The following ERBB4 variants were observed in gnomAD, a reference collection of about 807,000 sequenced individuals.
ERBB4 encodes the protein erb-b2 receptor tyrosine kinase 4.
In ERBB4, 42 loss-of-function variants were observed where a neutral mutation model predicts 158.0. The ratio of observed to expected loss-of-function variants is 0.27; its 90% confidence interval spans 0.21 to 0.34. The LOEUF is 0.34. Among genes scored for constraint, ERBB4 ranks in the 10% least tolerant of loss-of-function variants. The pLI is 1.00. For missense variants in ERBB4, 1,333 were observed against 1,624.1 expected, an observed-to-expected ratio of 0.82 and a Z score of 3.08; for synonymous variants, 583 against 558.7, an observed-to-expected ratio of 1.04 and a Z score of -0.61.
intron 2 of ERBB4, among the ~76,000 whole-genome samples, chr2:212,065,211 C>A (rs1009606892): frequency 6.6e-6 from 1 of 151,950 alleles, no homozygotes; most frequent in Non-Finnish European, 1.5e-5. Context: ...TAGACAACCC[C>A]TTCCTGGAAG....
Position 212,306,114 on chromosome 2 carries a change from A to C in ERBB4, c.83-181211T>G, listed in dbSNP as rs184675696. 7.3e-5 allele frequency among the ~76,000 whole-genome samples: 11 copies of C among 151,606 alleles called. No individual in the cohort carries two copies. The East Asian group carries it at 2.2e-3, about 30-fold the overall frequency. ...ATTCCCAGTTGAATGCTTTAAAAAT[A>C]TAATAAGATTCCTTTTTATGTGCAA... is the stretch of plus-strand genomic sequence containing the variant. On this transcript the variant is annotated intron_variant, in intron 1 of 27. Coordinates refer to ENST00000342788, the MANE Select transcript of ERBB4 (RefSeq NM_005235.3).
chr2:211,808,481 G>C (rs568311819), intron 3 of ERBB4, among the ~76,000 whole-genome samples: 1 of 151,928 alleles, frequency 6.6e-6, no homozygotes, highest in African/African-American at 2.4e-5. Context: ...TGTTCCATTG[G>C]TCTATATCTC....
At chr2:212,093,687 T>C (rs1334934523) in intron 2 of ERBB4, among the ~76,000 whole-genome samples, 2 of 152,236 alleles carry the variant, frequency 1.3e-5, no homozygotes, top group Non-Finnish European at 1.5e-5. Flanking sequence ...AATTGATAGT[T>C]CTCACCTTGT....
chr2:211,973,009 C>A lies in ERBB4; in HGVS notation c.235-25393G>T, dbSNP rs2081498317. On this transcript the variant is annotated intron_variant, in intron 2 of 27. Coordinates refer to ENST00000342788, the MANE Select transcript of ERBB4 (RefSeq NM_005235.3). ...ACCTAAAAAATGGGAGAAAATTTTG[C>A]AAACTCTATATCTGACAAAGGTCTA... 2.7e-5 allele frequency among the ~76,000 whole-genome samples: 4 copies of A among 148,148 alleles called. No individual in the cohort carries two copies. The Admixed American group carries it at 2.7e-4, about 10-fold the overall frequency.
chr2:211,570,325 CTT>C (rs769458178), intron 19 of ERBB4, among the ~76,000 whole-genome samples: 1 of 105,222 alleles, frequency 9.5e-6, no homozygotes, highest in African/African-American at 3.9e-5. Flanking sequence ...CTAATTTTTG[CTT>C]TTTTTTTTTT....
At chr2:212,410,118 T>G (rs577706573) in intron 1 of ERBB4, among the ~76,000 whole-genome samples, 5 of 152,148 alleles carry the variant, frequency 3.3e-5, no homozygotes, top group African/African-American at 1.2e-4. Flanking sequence ...AAGATAGAAG[T>G]GACACATTTT....
At chr2:211,946,574 CTCT>C (rs2080699424) in intron 3 of ERBB4, among the ~76,000 whole-genome samples, 2 of 67,452 alleles carry the variant, frequency 3.0e-5, no homozygotes, top group African/African-American at 1.2e-4. Context: ...CTAATTAGCT[CTCT>C]TTTTTTTTTT....
At chr2:212,314,193 A>T (rs924365265) in intron 1 of ERBB4, among the ~76,000 whole-genome samples, 1 of 151,222 alleles carries the variant, frequency 6.6e-6, no homozygotes, top group Non-Finnish European at 1.5e-5. Flanking sequence ...TTTGCCAAAA[A>T]TATTTTTAAA....
intron 2 of ERBB4, among the ~76,000 whole-genome samples, chr2:212,061,215 G>T (rs578200153): frequency 6.6e-6 from 1 of 151,586 alleles, no homozygotes; most frequent in African/African-American, 2.4e-5. Flanking sequence ...CCAGCATTTT[G>T]GGAGGCTGAG....
intron 5 of ERBB4, among the ~76,000 whole-genome samples, 179 bp downstream of exon 5, chr2:211,750,460 T>C (rs141878966): frequency 6.6e-6 from 1 of 152,292 alleles, no homozygotes; most frequent in East Asian, 1.9e-4. Flanking sequence ...GAATCAATTA[T>C]ATATTAATTT....
intron 20 of ERBB4, among the ~76,000 whole-genome samples, chr2:211,553,452 G>T (rs1049403882): frequency 6.6e-6 from 1 of 152,114 alleles, no homozygotes; most frequent in South Asian, 2.1e-4. Flanking sequence ...ATGAACAAAT[G>T]CTAAATACTT....
chr2:212,118,756 T>C (rs2079648888), intron 2 of ERBB4, among the ~76,000 whole-genome samples: 1 of 152,118 alleles, frequency 6.6e-6, no homozygotes, highest in South Asian at 2.1e-4. Flanking sequence ...GCATTATTTC[T>C]TGTACATTCA....
At chr2:212,062,674 G>A (rs566555895) in intron 2 of ERBB4, among the ~76,000 whole-genome samples, 1 of 151,904 alleles carries the variant, frequency 6.6e-6, no homozygotes, top group East Asian at 1.9e-4. Flanking sequence ...CACAATGTTG[G>A]GATTACAGGA....
intron 2 of ERBB4, among the ~76,000 whole-genome samples, chr2:212,092,586 T>C (rs1291267849): frequency 6.6e-6 from 1 of 152,198 alleles, no homozygotes; most frequent in Non-Finnish European, 1.5e-5. Context: ...ATATATTGAA[T>C]ATATACAAAT....
At chr2:211,742,866 C>T (rs2074842865) in intron 5 of ERBB4, among the ~76,000 whole-genome samples, 2 of 151,568 alleles carry the variant, frequency 1.3e-5, no homozygotes, top group Admixed American at 6.6e-5. Flanking sequence ...TACTATTATT[C>T]TATTTTTAAT....
intron 2 of ERBB4, among the ~76,000 whole-genome samples, chr2:211,984,651 CA>C (rs201343410): frequency 1.2e-4 from 17 of 147,496 alleles, no homozygotes; most frequent in African/African-American, 3.0e-4. Context: ...AAATGCTAAC[CA>C]AAAAAAAATG....
chr2:212,493,188 T>C (rs1363958411), intron 1 of ERBB4, among the ~76,000 whole-genome samples: 1 of 150,990 alleles, frequency 6.6e-6, no homozygotes, highest in East Asian at 1.9e-4. Flanking sequence ...AAAATGACTT[T>C]AGTTATTTAT....
chr2:212,288,202 T>C lies in ERBB4; in HGVS notation c.83-163299A>G, dbSNP rs1214749003. Among the ~76,000 whole-genome samples the C allele has an allele frequency of 3.9e-5, 6 of 152,152 alleles. No homozygotes were observed. In the South Asian group the frequency reaches 1.0e-3, roughly 26 times the overall value. On this transcript the variant is annotated intron_variant, in intron 1 of 27. Coordinates refer to ENST00000342788, the MANE Select transcript of ERBB4 (RefSeq NM_005235.3). The stretch of plus-strand genomic sequence containing the variant: ...TAAGGCCTAATATGCTCCTGGACTT[T>C]CATTTTGTGAGTCAAGAAAATCCCT...
intron 3 of ERBB4, among the ~76,000 whole-genome samples, chr2:211,848,633 A>G (rs1481734374): frequency 2.6e-5 from 4 of 152,084 alleles, no homozygotes; most frequent in Non-Finnish European, 5.9e-5. Flanking sequence ...TGTCAGTCTT[A>G]TAATACTACA....
Sources: gnomAD v4.1 joint callset for allele counts (sites outside exome capture counted in the v4.1 genomes callset) on GRCh38, gnomAD v4.1.1 for gene constraint, MANE v1.5 for transcripts, NCBI Gene and HGNC (gene_info 2026-07-23, HGNC 2026-07-21) for gene names.